LONP2: variants seen among roughly 807,000 people sequenced by gnomAD.
LONP2 encodes the protein lon protease homolog 2, peroxisomal.
LONP2 carries 60 observed loss-of-function variants against 85.6 expected under a neutral mutation model. That is an observed-to-expected ratio of 0.70 (90% CI 0.57 to 0.87). LONP2 has a LOEUF of 0.87. LONP2 is among the 40% of genes least tolerant of loss of function. The pLI, the probability that LONP2 is intolerant of heterozygous loss-of-function variation, is 0.00. For missense variants in LONP2, 860 were observed against 1,063.5 expected (o/e 0.81, Z 2.66); for synonymous variants, 395 against 389.7 (o/e 1.01, Z -0.16).
intron 6 of LONP2, among the ~76,000 whole-genome samples, chr16:48,267,751 G>A (rs1234432991): frequency 6.6e-6 from 1 of 152,102 alleles, no homozygotes; most frequent in South Asian, 2.1e-4. Flanking sequence ...GAGTAGCAGG[G>A]ATTACAGGCG....
chr16:48,314,203 G>A (rs1244499630), intron 11 of LONP2, among the ~76,000 whole-genome samples: 1 of 151,248 alleles, frequency 6.6e-6, no homozygotes, highest in Admixed American at 6.6e-5. Context: ...CTAGATACTA[G>A]ACTTTTGTCG....
chr16:48,255,391 C>T (rs1297041628), intron 2 of LONP2, among the ~76,000 whole-genome samples: 1 of 152,184 alleles, frequency 6.6e-6, no homozygotes, highest in Non-Finnish European at 1.5e-5. Flanking sequence ...ATTTAAGACT[C>T]ATAGACACAC....
At chr16:48,288,456 A>G (rs1013815595) in intron 8 of LONP2, among the ~76,000 whole-genome samples, 3 of 152,126 alleles carry the variant, frequency 2.0e-5, no homozygotes, top group South Asian at 2.1e-4. Context: ...CCCAGTCAGA[A>G]TGTATTAGAA....
chr16:48,282,544 T>G (rs67824441), intron 8 of LONP2, among the ~76,000 whole-genome samples: 1,742 of 152,322 alleles, frequency 0.011, 16 homozygotes, highest in Non-Finnish European at 0.021. Context: ...TATTTTTAAC[T>G]TTTTCATTAT....
chr16:48,319,860 G>A (rs1973224697), intron 11 of LONP2, among the ~76,000 whole-genome samples: 1 of 152,008 alleles, frequency 6.6e-6, no homozygotes, highest in South Asian at 2.1e-4. Context: ...TTTTTTGTGC[G>A]TGTGCCTGTA....
chr16:48,295,931 C>A, intron 8 of LONP2, 84 bp from the exon 9 acceptor site: 3 of 1,275,670 alleles, frequency 2.4e-6, no homozygotes, highest in Non-Finnish European at 3.3e-6. Flanking sequence ...CCAACCTTGC[C>A]AGTACATCAT....
intron 11 of LONP2, among the ~76,000 whole-genome samples, chr16:48,311,459 A>G (rs1973030346): frequency 6.6e-6 from 1 of 151,364 alleles, no homozygotes; most frequent in South Asian, 2.1e-4. Flanking sequence ...GAAGCTTTCA[A>G]ATGTATTTTA....
intron 6 of LONP2, among the ~76,000 whole-genome samples, chr16:48,264,088 G>A (rs1363187030): frequency 1.3e-5 from 2 of 152,178 alleles, no homozygotes; most frequent in Non-Finnish European, 2.9e-5. Context: ...GAGGCAGGGC[G>A]AGATCACAGG....
chr16:48,348,400 T>C (rs922354340), intron 14 of LONP2, 110 bp downstream of exon 14: 8 of 586,252 alleles, frequency 1.4e-5, no homozygotes, highest in African/African-American at 1.9e-5. Context: ...TGGTTTTAAG[T>C]ATATATTATA....
At chr16:48,278,695 G>T (rs2150983227) in intron 8 of LONP2, among the ~76,000 whole-genome samples, 1 of 152,204 alleles carries the variant, frequency 6.6e-6, no homozygotes, top group South Asian at 2.1e-4. Flanking sequence ...AAACTTTCAG[G>T]TTCTTCCCTT....
intron 8 of LONP2, among the ~76,000 whole-genome samples, chr16:48,285,971 A>G (rs1364746380): frequency 6.6e-6 from 1 of 152,120 alleles, no homozygotes; most frequent in Non-Finnish European, 1.5e-5. Flanking sequence ...AGTCCCTGGC[A>G]GCTACCATTC....
intron 10 of LONP2, among the ~76,000 whole-genome samples, chr16:48,300,270 A>T (rs756425201): frequency 6.6e-6 from 1 of 152,200 alleles, no homozygotes; most frequent in Non-Finnish European, 1.5e-5. Flanking sequence ...AGAGATTTTT[A>T]AAATCCTTAG....
chr16:48,279,337 GCTGGCTGTGCTGTTTGGTTGAGGAAT>G (rs1337106176), intron 8 of LONP2, among the ~76,000 whole-genome samples: 1 of 152,108 alleles, frequency 6.6e-6, no homozygotes, highest in East Asian at 1.9e-4. Flanking sequence ...AATAGAGTCA[GCTGGCTGTGCTGTTTGGTTGAGGAAT>G]CTTCTACTCA....
At chr16:48,311,047 G>A (rs1973019182) in intron 11 of LONP2, among the ~76,000 whole-genome samples, 1 of 152,122 alleles carries the variant, frequency 6.6e-6, no homozygotes, top group Non-Finnish European at 1.5e-5. Flanking sequence ...GAAGTTTCCT[G>A]TATAAGTGAC....
At position 48,357,025 on chromosome 16, in the gene LONP2, CTT is replaced by C. The variant is rs1960393392; in HGVS notation, c.*5225_*5226del. On this transcript the variant is annotated 3_prime_UTR_variant, in exon 15 of 15. Coordinates refer to ENST00000285737, the MANE Select transcript of LONP2 (RefSeq NM_031490.5). ...ACATCTATGATAATAAAGTGTATTTCTTTGTCAAGTTTCTAGAGCTATATAAG... is the reference window on the plus strand; with the variant it reads ...ACATCTATGATAATAAAGTGTATTTCTGTCAAGTTTCTAGAGCTATATAAG... 1.3e-5 allele frequency: 2 copies of C among 153,232 alleles called. No individual in the cohort carries two copies. Among genetic ancestry groups the C allele is most frequent in the Admixed American group, 1.3e-4 (2 of 15,374 alleles). 9.5% of individuals were successfully genotyped at this position (153,232 alleles called of 1,614,324 possible).
chr16:48,336,183 A>G (rs1441507029), intron 12 of LONP2, among the ~76,000 whole-genome samples: 1 of 152,230 alleles, frequency 6.6e-6, no homozygotes, highest in Non-Finnish European at 1.5e-5. Flanking sequence ...GCTGATGTTA[A>G]GTTTGGAAGC....
chr16:48,294,726 T>C (rs942358467), intron 8 of LONP2, among the ~76,000 whole-genome samples: 1 of 151,966 alleles, frequency 6.6e-6, no homozygotes, highest in Non-Finnish European at 1.5e-5. Flanking sequence ...AAAATGAGAC[T>C]CTGTCTCAAA....
chr16:48,252,563 C>G (rs1971677663), intron 2 of LONP2, among the ~76,000 whole-genome samples, 198 bp downstream of exon 2: 1 of 152,164 alleles, frequency 6.6e-6, no homozygotes, highest in African/African-American at 2.4e-5. Context: ...CCTACCCTTT[C>G]TAAAGTTTTC....
At chr16:48,281,528 GAAAATT>G (rs1213887816) in intron 8 of LONP2, among the ~76,000 whole-genome samples, 4 of 152,110 alleles carry the variant, frequency 2.6e-5, no homozygotes, top group Non-Finnish European at 4.4e-5. Flanking sequence ...AGACTTGAAA[GAAAATT>G]ACAGAATTAT....
Sources: gnomAD v4.1 joint callset for allele counts (sites outside exome capture counted in the v4.1 genomes callset) on GRCh38, gnomAD v4.1.1 for gene constraint, MANE v1.5 for transcripts, NCBI Gene and HGNC (gene_info 2026-07-23, HGNC 2026-07-21) for gene names.